DZIP1: variants seen among roughly 807,000 people sequenced by gnomAD.
The protein encoded by DZIP1 is DAZ interacting zinc finger protein 1.
DZIP1 carries 97 observed loss-of-function variants against 107.6 expected under a neutral mutation model. The ratio of observed to expected loss-of-function variants is 0.90; its 90% CI spans 0.77 to 1.07. The LOEUF (loss-of-function observed/expected upper bound fraction) is 1.07, where lower values mean the gene tolerates loss of function less well. Ranked by LOEUF, DZIP1 falls within the 50% of genes least tolerant of loss-of-function variation. The pLI, the probability that DZIP1 is intolerant of heterozygous loss-of-function variation, is 0.00. For synonymous variants in DZIP1, 390 were observed against 386.4 expected, an observed-to-expected ratio of 1.01 and a Z score of -0.11; for missense variants, 1,035 against 1,063.6, an observed-to-expected ratio of 0.97 and a Z score of 0.37.
intron 16 of DZIP1, among the ~76,000 whole-genome samples, chr13:95,592,915 A>G (rs1414228016): frequency 6.6e-6 from 1 of 152,234 alleles, no homozygotes; most frequent in Non-Finnish European, 1.5e-5. Flanking sequence ...AAGAACAAGC[A>G]AAACTAAGTC....
At position 95,624,855 on chromosome 13, in the gene DZIP1, C is replaced by A; in HGVS notation, c.885G>T (p.Glu295Asp). ...LFDRWKEEEK[E>D]KLVDEMEKVK... is the part of the protein sequence containing the mutation. ...CTTTTTCCATTTCATCAACTAGTTTCTCCTTTTCTTCTTCTTTCCACCTGT... is the reference window on the plus strand; with the variant it reads ...CTTTTTCCATTTCATCAACTAGTTTATCCTTTTCTTCTTCTTTCCACCTGT... The change falls in exon 8 of 23, where the codon GAG (glutamate) becomes GAT (aspartate). Residue 295 changes from glutamate to aspartate, a missense_variant. Physicochemically the swap from Glu to Asp is conservative, Grantham distance 45. Transcript: ENST00000376829. 6.2e-7 allele frequency: 1 copy of A among 1,612,886 alleles called. No homozygotes were observed.
Position 95,630,055 on chromosome 13 carries a change from T to C in DZIP1, c.744A>G (p.Glu248=). 6.2e-7 allele frequency: 1 copy of C among 1,614,008 alleles called. No homozygotes were observed. The change falls in exon 7 of 23, where the codon GAA becomes GAG. Residue 248 remains glutamate, a synonymous_variant. Coordinates refer to ENST00000376829, the MANE Select transcript of DZIP1 (RefSeq NM_198968.4). The stretch of plus-strand genomic sequence containing the variant: ...GCTCAGACCTGGTGAGCTGCAGCTC[T>C]TCCTTCAATACGACGATCTCACTCC... ...KLRSEIVVLK[E]ELQLTRSELE... is the part of the protein sequence containing the mutation.
intron 14 of DZIP1, among the ~76,000 whole-genome samples, chr13:95,605,442 C>G (rs1230321796): frequency 1.3e-5 from 2 of 152,220 alleles, no homozygotes; most frequent in Non-Finnish European, 2.9e-5. Flanking sequence ...TCTATTGGAT[C>G]ATGTTAATAA....
chr13:95,636,885 C>CA (rs1877883120), intron 5 of DZIP1: 1 of 152,026 alleles, frequency 6.6e-6, no homozygotes, highest in South Asian at 2.1e-4. Flanking sequence ...TGATACAGAA[C>CA]ACTCAACACC....
At position 95,641,832 on chromosome 13, in the gene DZIP1, G is replaced by A. The variant is rs1200815881; in HGVS notation, c.60C>T (p.Tyr20=). 7.3e-7 allele frequency: 1 copy of A among 1,361,716 alleles called. No homozygotes were observed. The highest frequency in any genetic ancestry group is 9.5e-7 in the Non-Finnish European group (1 of 1,054,010). 84.4% of individuals were successfully genotyped at this position (1,361,716 alleles called of 1,614,324 possible). ...GCCCCTCTGGGCCGCTGGCGAGCGG[G>A]TAGTAGACATGCTTCTGGAAGGGCT... is the stretch of plus-strand genomic sequence containing the variant. ...SSMPFQKHVY[Y]PLASGPEGPD... is the part of the protein sequence containing the mutation. The change falls in exon 5 of 23, where the codon TAC becomes TAT. Residue 20 remains tyrosine, a synonymous_variant. Transcript: ENST00000376829. This position sits in a 1 kb window ranked among gnomAD's most constrained non-coding sequence, Gnocchi z 4.3.
chr13:95,627,963 AAGTACTGATAC>A (rs1486133717), intron 7 of DZIP1, among the ~76,000 whole-genome samples: 1 of 152,224 alleles, frequency 6.6e-6, no homozygotes, highest in African/African-American at 2.4e-5. Context: ...AAGACCGACA[AAGTACTGATAC>A]ATGTTACAAC....
chr13:95,609,394 T>G (rs1434578964), intron 13 of DZIP1, 63 bp downstream of exon 13: 1 of 1,103,238 alleles, frequency 9.1e-7, no homozygotes, highest in African/African-American at 1.6e-5. Flanking sequence ...TAAGTAAAAG[T>G]TATGTTTTGG....
At position 95,642,226 on chromosome 13, in the gene DZIP1, G is replaced by T. The variant is rs765458586; in HGVS notation, c.-197C>A. ...GGGCGCGTCTGCCCGCGCAGGGTCA[G>T]CGTGCACCCAGAACCCTGCGGGACC... On this transcript the variant is annotated 5_prime_UTR_variant, in exon 4 of 23. It adds an upstream start codon to the 5' untranslated region. Transcript: ENST00000376829. The T allele has an allele frequency of 1.6e-6, 1 of 636,598 alleles. No homozygotes were observed. The highest frequency in any genetic ancestry group is 2.5e-6 in the Non-Finnish European group (1 of 397,090). The allele number at this position is 636,598 out of a possible 1,614,324, so 39.4% of individuals were successfully genotyped here. A position where few individuals can be genotyped will look rare whatever the true frequency, so the allele number is the denominator to read the frequency against.
chr13:95,594,012 T>C lies in DZIP1; in HGVS notation c.1612A>G (p.Thr538Ala). 1 of 1,612,542 alleles carries C rather than the reference T, an allele frequency of 6.2e-7. No individual in the cohort carries two copies. Among genetic ancestry groups the C allele is most frequent in the Non-Finnish European group, 8.5e-7 (1 of 1,179,388 alleles). The change falls in exon 16 of 23, where the codon ACT becomes GCT. Residue 538 changes from threonine (T) to alanine (A), a missense_variant. By Grantham distance (58) the Thr-to-Ala change is moderately conservative. Transcript: ENST00000376829. ...TCCACCATTGTTCTTAGTCCCTTAG[T>C]GAGGGAGGAGTTACTCTTCAAAGCT... ...RKALKSNSSL[T>A]KGLRTMVEQN...
intron 6 of DZIP1, among the ~76,000 whole-genome samples, chr13:95,632,672 C>G (rs536610193): frequency 1.3e-5 from 2 of 152,306 alleles, no homozygotes; most frequent in Non-Finnish European, 2.9e-5. Context: ...TATAAAAACT[C>G]CACATTCCAG....
chr13:95,642,995 T>A (rs1878712242), intron 3 of DZIP1, 48 bp downstream of exon 3: 1 of 152,116 alleles, frequency 6.6e-6, no homozygotes, highest in South Asian at 2.1e-4. Flanking sequence ...GGAGGGGGAT[T>A]TTAGCCATCA....
At chr13:95,619,526 C>G (rs938539190) in intron 10 of DZIP1, among the ~76,000 whole-genome samples, 1 of 152,136 alleles carries the variant, frequency 6.6e-6, no homozygotes, top group Admixed American at 6.5e-5. Context: ...CATCGTAAAA[C>G]CTTCAGAAGG....
At chr13:95,613,913 C>G (rs1467346869) in intron 10 of DZIP1, among the ~76,000 whole-genome samples, 1 of 152,012 alleles carries the variant, frequency 6.6e-6, no homozygotes, top group African/African-American at 2.4e-5. Flanking sequence ...CACTGGAGTC[C>G]AGGAGTTGGA....
chr13:95,587,676 G>T lies in DZIP1; in HGVS notation c.2081C>A (p.Ala694Glu), dbSNP rs749585345. 1.2e-6 allele frequency: 2 copies of T among 1,614,116 alleles called. No homozygotes were observed. Among genetic ancestry groups the T allele is most frequent in the Non-Finnish European group, 8.5e-7 (1 of 1,180,010 alleles). The change falls in exon 20 of 23, where the codon GCA becomes GAA. Residue 694 changes from alanine to glutamate, a missense_variant. Ala to Glu is a moderately radical substitution (Grantham distance 107). Coordinates refer to ENST00000376829, the MANE Select transcript of DZIP1 (RefSeq NM_198968.4). ...EEQEDDDLIRAYASPGPLPVP... is the reference protein window; with the variant it reads ...EEQEDDDLIREYASPGPLPVP... ...AGGAAGTGGGCCTGGGGATGCGTAT[G>T]CCCGGATGAGGTCGTCGTCCTCCTG...
chr13:95,609,599 A>G (rs1046836347), intron 12 of DZIP1, 86 bp from the exon 13 acceptor site: 1 of 845,452 alleles, frequency 1.2e-6, no homozygotes, highest in Admixed American at 3.5e-5. Context: ...TTGAGCCCCC[A>G]TAAAAAACAT....
intron 10 of DZIP1, among the ~76,000 whole-genome samples, chr13:95,616,252 A>C (rs1157810488): frequency 2.0e-5 from 3 of 152,204 alleles, no homozygotes; most frequent in Non-Finnish European, 4.4e-5. Flanking sequence ...CCCTGGGTGC[A>C]GGGTGGAAAC....
At chr13:95,598,459 TC>T (rs2044521110) in intron 15 of DZIP1, among the ~76,000 whole-genome samples, 1 of 152,078 alleles carries the variant, frequency 6.6e-6, no homozygotes, top group African/African-American at 2.4e-5. Flanking sequence ...TGTAGTCAAT[TC>T]TCAATTTGTA....
chr13:95,591,262 C>CAA (rs2044306196), intron 16 of DZIP1, among the ~76,000 whole-genome samples: 1 of 151,932 alleles, frequency 6.6e-6, no homozygotes, highest in African/African-American at 2.4e-5. Context: ...CTCCTGACCT[C>CAA]GTGATCCACC....
chr13:95,637,604 A>ATCTCTC (rs10539901), intron 5 of DZIP1, among the ~76,000 whole-genome samples: 19 of 145,190 alleles, frequency 1.3e-4, no homozygotes, highest in African/African-American at 4.1e-4. Flanking sequence ...GACATTAGCG[A>ATCTCTC]TCTCTCTCTC....
Sources: gnomAD v4.1 joint callset for allele counts (sites outside exome capture counted in the v4.1 genomes callset) on GRCh38, gnomAD v4.1.1 for gene constraint, Gnocchi (gnomAD v3.1) non-coding constraint, MANE v1.5 for transcripts, NCBI Gene and HGNC (gene_info 2026-07-23, HGNC 2026-07-21) for gene names.